Variants in ZNF804B observed in about 807,000 individuals in gnomAD.
ZNF804B encodes zinc finger 804B.
In ZNF804B, 80 loss-of-function variants were observed where a neutral mutation model predicts 101.4. The ratio of observed to expected loss-of-function variants is 0.79; its 90% confidence interval spans 0.66 to 0.95. The LOEUF (loss-of-function observed/expected upper bound fraction) is 0.95, where lower values mean the gene tolerates loss of function less well. Among genes scored for constraint, ZNF804B ranks in the 40% least tolerant of loss-of-function variants. ZNF804B has a pLI of 0.00. For synonymous variants in ZNF804B, 622 were observed against 558.8 expected, an observed-to-expected ratio of 1.11 and a Z score of -1.59; for missense variants, 1,673 against 1,561.9, an observed-to-expected ratio of 1.07 and a Z score of -1.20.
At chr7:89,268,212 T>A (rs1789828545) in intron 2 of ZNF804B, among the ~76,000 whole-genome samples, 1 of 152,074 alleles carries the variant, frequency 6.6e-6, no homozygotes, top group Non-Finnish European at 1.5e-5. Flanking sequence ...TATTTCCAAC[T>A]CCCTATCAAC....
Position 88,900,795 on chromosome 7 carries a change from T to C in ZNF804B, c.108+140711T>C, listed in dbSNP as rs149753616. Among the ~76,000 whole-genome samples, 7 of 151,424 alleles carry C rather than the reference T, an allele frequency of 4.6e-5. No individual in the cohort carries two copies. The East Asian group carries it at 1.4e-3, about 29-fold the overall frequency. Reference sequence around the variant, plus strand: ...TTCTTTCCTATTAAGTTAATGGAAATAAATTACAATGCAAAGAAGATTAGT... The same window carrying C: ...TTCTTTCCTATTAAGTTAATGGAAACAAATTACAATGCAAAGAAGATTAGT... On this transcript the variant is annotated intron_variant, in intron 1 of 3. Coordinates refer to ENST00000333190, the MANE Select transcript of ZNF804B (RefSeq NM_181646.5).
chr7:88,973,418 C>T (rs958950673), intron 1 of ZNF804B, among the ~76,000 whole-genome samples: 1 of 151,224 alleles, frequency 6.6e-6, no homozygotes, highest in East Asian at 2.0e-4. Flanking sequence ...CTGTAAATCT[C>T]TCTCTCTCTT....
chr7:88,771,243 T>C (rs1790056701), intron 1 of ZNF804B, among the ~76,000 whole-genome samples: 1 of 152,142 alleles, frequency 6.6e-6, no homozygotes, highest in Admixed American at 6.6e-5. Context: ...GCATTAGTTT[T>C]AAATAAAATG....
chr7:89,214,385 A>G (rs1788853774), intron 1 of ZNF804B, among the ~76,000 whole-genome samples: 1 of 152,182 alleles, frequency 6.6e-6, no homozygotes, highest in Admixed American at 6.5e-5. Flanking sequence ...TTCATTATAT[A>G]TCAAATCTTG....
intron 1 of ZNF804B, among the ~76,000 whole-genome samples, chr7:89,115,683 T>G (rs1790299996): frequency 6.6e-6 from 1 of 152,196 alleles, no homozygotes; most frequent in East Asian, 1.9e-4. Flanking sequence ...AAAACTGCTC[T>G]TATAGATGAT....
intron 1 of ZNF804B, among the ~76,000 whole-genome samples, chr7:88,897,744 T>C (rs1192929336): frequency 6.6e-6 from 1 of 152,186 alleles, no homozygotes; most frequent in African/African-American, 2.4e-5. Context: ...CTGAAGCCTA[T>C]ACCCTTTCAG....
chr7:88,960,324 A>G (rs540610168), intron 1 of ZNF804B, among the ~76,000 whole-genome samples: 32 of 151,336 alleles, frequency 2.1e-4, no homozygotes, highest in Non-Finnish European at 4.0e-4. Context: ...TAAACAGAGA[A>G]CTATGATGTA....
intron 1 of ZNF804B, among the ~76,000 whole-genome samples, chr7:88,965,021 G>C (rs371124587): frequency 1.3e-5 from 2 of 151,472 alleles, no homozygotes; most frequent in East Asian, 3.9e-4. Flanking sequence ...AACATATAAG[G>C]TGCCAATACT....
intron 1 of ZNF804B, among the ~76,000 whole-genome samples, chr7:88,793,181 G>A (rs1365309259): frequency 6.6e-6 from 1 of 152,080 alleles, no homozygotes; most frequent in Non-Finnish European, 1.5e-5. Flanking sequence ...TCAATTAATT[G>A]TTTAAACAAG....
At chr7:89,233,887 G>T (rs1021936629) in intron 2 of ZNF804B, among the ~76,000 whole-genome samples, 3 of 152,206 alleles carry the variant, frequency 2.0e-5, no homozygotes, top group African/African-American at 7.2e-5. Flanking sequence ...GCCTCCCAAA[G>T]TGCTGGGATC....
chr7:89,001,882 T>TA (rs1223080304), intron 1 of ZNF804B, among the ~76,000 whole-genome samples: 30 of 151,798 alleles, frequency 2.0e-4, no homozygotes, highest in Non-Finnish European at 2.7e-4. Flanking sequence ...GTCCTTTTCT[T>TA]ATCACAATAA....
intron 1 of ZNF804B, among the ~76,000 whole-genome samples, chr7:88,848,123 G>A (rs1562810701): frequency 6.6e-6 from 1 of 152,258 alleles, no homozygotes; most frequent in South Asian, 2.1e-4. Context: ...CATCCAATAG[G>A]GAGAGAACAG....
At chr7:88,872,969 C>A (rs1340258235) in intron 1 of ZNF804B, among the ~76,000 whole-genome samples, 46 of 151,714 alleles carry the variant, frequency 3.0e-4, no homozygotes, top group Non-Finnish European at 4.3e-4. Context: ...ATTTATAGTC[C>A]TTTGGGTATA....
chr7:88,985,611 T>C (rs550959533), intron 1 of ZNF804B, among the ~76,000 whole-genome samples: 3 of 152,068 alleles, frequency 2.0e-5, no homozygotes, highest in Non-Finnish European at 4.4e-5. Context: ...TATCTTTGGC[T>C]TAGTAAAACT....
chr7:89,274,599 A>T (rs1489174269), intron 2 of ZNF804B, among the ~76,000 whole-genome samples: 1 of 151,692 alleles, frequency 6.6e-6, no homozygotes, highest in Non-Finnish European at 1.5e-5. Flanking sequence ...GTGAGAAAAT[A>T]CACATAATGA....
At chr7:89,163,374 C>G (rs1791096275) in intron 1 of ZNF804B, among the ~76,000 whole-genome samples, 1 of 152,030 alleles carries the variant, frequency 6.6e-6, no homozygotes, top group Admixed American at 6.6e-5. Flanking sequence ...ATTGTGAAAC[C>G]TTGTTTCTGT....
At chr7:88,807,314 A>T (rs1790706596) in intron 1 of ZNF804B, among the ~76,000 whole-genome samples, 1 of 152,212 alleles carries the variant, frequency 6.6e-6, no homozygotes, top group Admixed American at 6.5e-5. Context: ...GTGAACAATA[A>T]AAAGAACAAA....
At chr7:88,948,776 A>G (rs1793176037) in intron 1 of ZNF804B, among the ~76,000 whole-genome samples, 1 of 151,934 alleles carries the variant, frequency 6.6e-6, no homozygotes, top group South Asian at 2.1e-4. Flanking sequence ...TACAAAAAGG[A>G]GAGGTGGTTT....
chr7:88,836,843 T>C (rs1791221722), intron 1 of ZNF804B, among the ~76,000 whole-genome samples: 1 of 151,936 alleles, frequency 6.6e-6, no homozygotes, highest in African/African-American at 2.4e-5. Flanking sequence ...AGGGGGCCGA[T>C]GTAGGAATCA....
Sources: gnomAD v4.1 joint callset for allele counts (sites outside exome capture counted in the v4.1 genomes callset) on GRCh38, gnomAD v4.1.1 for gene constraint, MANE v1.5 for transcripts, NCBI Gene and HGNC (gene_info 2026-07-23, HGNC 2026-07-21) for gene names.